ADAM22: variants seen among roughly 807,000 people sequenced by gnomAD.
The protein encoded by ADAM22 is ADAM metallopeptidase domain 22.
A neutral mutation model predicts 144.6 loss-of-function variants in ADAM22; 65 were observed. The observed-to-expected ratio is 0.45, with a 90% CI of 0.37 to 0.55. ADAM22 has a LOEUF of 0.55. Ranked by LOEUF, ADAM22 falls within the 20% of genes least tolerant of loss-of-function variation. The pLI, the probability that ADAM22 is intolerant of heterozygous loss-of-function variation, is 0.00. For synonymous variants in ADAM22, 391 were observed against 412.6 expected, an observed-to-expected ratio of 0.95 and a Z score of 0.63; for missense variants, 974 against 1,184.9, an observed-to-expected ratio of 0.82 and a Z score of 2.61.
Position 88,042,160 on chromosome 7 carries a change from C to T in ADAM22, c.324-33466C>T, listed in dbSNP as rs149657663. On this transcript the variant is annotated intron_variant, in intron 3 of 31. Coordinates refer to ENST00000413139, the MANE Select transcript of ADAM22 (RefSeq NM_001324418.2). Reference sequence around the variant, plus strand: ...GTTTATCTTCAGGGGAGGGCTTTCTCACTGTTTTCCATTGATTTTGAATAC... The same window carrying T: ...GTTTATCTTCAGGGGAGGGCTTTCTTACTGTTTTCCATTGATTTTGAATAC... 6.9e-4 allele frequency among the ~76,000 whole-genome samples: 105 copies of T among 152,134 alleles called. 1 individual carries two copies. The highest frequency in any genetic ancestry group is 2.5e-3 in the African/African-American group (102 of 41,552).
chr7:87,966,732 T>TG (rs1562874254), intron 2 of ADAM22, among the ~76,000 whole-genome samples: 16 of 130,300 alleles, frequency 1.2e-4, no homozygotes, highest in African/African-American at 4.3e-4. Flanking sequence ...TTTTTTTTTT[T>TG]TTTTTTTTTT....
rs372319678 is a variant in ADAM22, at chr7:88,192,433, A to G, written c.2751-683A>G. On this transcript the variant is annotated intron_variant, in intron 30 of 31. Transcript: ENST00000413139. Reference sequence around the variant, plus strand: ...ACCACTACACATGCAAAATCAATCAAGTACAGCATAATACAGCAGCAGCTT... The same window carrying G: ...ACCACTACACATGCAAAATCAATCAGGTACAGCATAATACAGCAGCAGCTT... Among the ~76,000 whole-genome samples, 25 of 152,362 alleles carry G rather than the reference A, an allele frequency of 1.6e-4. No individual in the cohort carries two copies. The East Asian group carries it at 4.6e-3, about 28-fold the overall frequency.
chr7:88,083,629 G>GTGTA (rs1817588848), intron 4 of ADAM22, among the ~76,000 whole-genome samples: 1 of 142,542 alleles, frequency 7.0e-6, no homozygotes, highest in Non-Finnish European at 1.5e-5. Flanking sequence ...GTGTGTGTGT[G>GTGTA]TGTGTATGTG....
Position 88,039,816 on chromosome 7 carries a change from C to T in ADAM22, c.324-35810C>T, listed in dbSNP as rs1484068984. ...CATACTAGTCTTCAAACTTAATGAC[C>T]GTTTTTGTCCTTGGATTCTCTGTAG... On this transcript the variant is annotated intron_variant, in intron 3 of 31. Transcript: ENST00000413139. Among the ~76,000 whole-genome samples the T allele has an allele frequency of 2.0e-5, 3 of 151,834 alleles. 1 individual carries two copies. The highest frequency in any genetic ancestry group is 4.4e-5 in the Non-Finnish European group (3 of 67,864).
chr7:88,097,156 T>C (rs73202374), intron 4 of ADAM22, among the ~76,000 whole-genome samples: 13,426 of 146,206 alleles, frequency 0.092, 1,100 homozygotes, highest in African/African-American at 0.22. Flanking sequence ...CTTTTCTTTT[T>C]TTTTTTTTTT....
At chr7:88,113,703 A>AATGTGTGTGTATATAT (rs1554478727) in intron 5 of ADAM22, among the ~76,000 whole-genome samples, 1 of 48,106 alleles carries the variant, frequency 2.1e-5, no homozygotes, top group African/African-American at 8.0e-5. Context: ...TAAATAAATA[A>AATGTGTGTGTATATAT]ATATATATAT....
chr7:88,196,836 A>G lies in ADAM22; in HGVS notation c.*345A>G. On this transcript the variant is annotated 3_prime_UTR_variant, in exon 32 of 32. Transcript: ENST00000413139. ...AAATGTAGCAAGTTTCCTAAGGTAC[A>G]ATAGTGGATTCAGAACTTGACGTTC... The G allele has an allele frequency of 3.5e-6, 1 of 288,228 alleles. No homozygotes were observed. The allele number at this position is 288,228 out of a possible 1,614,324, so 17.9% of individuals were successfully genotyped here.
At chr7:87,996,507 C>T (rs185266754) in intron 3 of ADAM22, among the ~76,000 whole-genome samples, 151 of 152,260 alleles carry the variant, frequency 9.9e-4, no homozygotes, top group African/African-American at 3.5e-3. Context: ...TCCCAAAGTC[C>T]CCAGCTCCTC....
intron 4 of ADAM22, among the ~76,000 whole-genome samples, chr7:88,107,946 A>T (rs1167671748): frequency 1.3e-5 from 2 of 152,180 alleles, no homozygotes; most frequent in African/African-American, 4.8e-5. Flanking sequence ...CCTACATAAA[A>T]GAAAGGTCAA....
chr7:88,154,831 T>C (rs1462625018), intron 21 of ADAM22, among the ~76,000 whole-genome samples: 1 of 152,168 alleles, frequency 6.6e-6, no homozygotes, highest in Non-Finnish European at 1.5e-5. Flanking sequence ...TTCTTTTCTA[T>C]GTTGGTGAAA....
chr7:87,940,283 T>G (rs1842229921), intron 2 of ADAM22, among the ~76,000 whole-genome samples: 1 of 151,998 alleles, frequency 6.6e-6, no homozygotes, highest in Admixed American at 6.6e-5. Context: ...AACATCACTA[T>G]GTACCCCATA....
At position 88,184,496 on chromosome 7, in the gene ADAM22, C is replaced by T. The variant is rs867774294; in HGVS notation, c.2664-2119C>T. 21 of 217,138 alleles carry T rather than the reference C, an allele frequency of 9.7e-5. No homozygotes were observed. The Middle Eastern group carries it at 2.5e-3, about 25-fold the overall frequency. 13.5% of individuals were successfully genotyped at this position (217,138 alleles called of 1,614,324 possible). ...AGAACAGGGTCATTTGATCTTTGAG[C>T]GAGCCCTCATGTTTGCCAGAGGTGC... On this transcript the variant is annotated intron_variant, in intron 29 of 31. Coordinates refer to ENST00000413139, the MANE Select transcript of ADAM22 (RefSeq NM_001324418.2).
intron 4 of ADAM22, among the ~76,000 whole-genome samples, chr7:88,080,578 C>G (rs1816231414): frequency 6.6e-6 from 1 of 151,506 alleles, no homozygotes; most frequent in Admixed American, 6.6e-5. Context: ...TTTAAAAGAT[C>G]AACAAAATTG....
intron 28 of ADAM22, 61 bp downstream of exon 28, chr7:88,181,666 C>A: frequency 7.0e-7 from 1 of 1,422,206 alleles, no homozygotes; most frequent in South Asian, 1.2e-5. Context: ...TCTGTGGCCC[C>A]TGGTTGTAAA....
chr7:87,990,863 C>T (rs1789663751), intron 3 of ADAM22, among the ~76,000 whole-genome samples: 1 of 152,120 alleles, frequency 6.6e-6, no homozygotes, highest in Non-Finnish European at 1.5e-5. Flanking sequence ...CGGAGTTTTG[C>T]CATGTTGTCA....
rs75533256 is a variant in ADAM22, at chr7:88,060,429, C to T, written c.324-15197C>T. Among the ~76,000 whole-genome samples the T allele has an allele frequency of 6.6e-5, 10 of 152,234 alleles. No individual in the cohort carries two copies. In the East Asian group the frequency reaches 1.7e-3, roughly 26 times the overall value. On this transcript the variant is annotated intron_variant, in intron 3 of 31. Coordinates refer to ENST00000413139, the MANE Select transcript of ADAM22 (RefSeq NM_001324418.2). Reference sequence around the variant, plus strand: ...TTATTTTAAATCTTTGTTGTTATTTCAACAGTGTTCACAACATTTTCACCA... The same window carrying T: ...TTATTTTAAATCTTTGTTGTTATTTTAACAGTGTTCACAACATTTTCACCA...
chr7:88,094,803 T>C (rs1012483427), intron 4 of ADAM22, among the ~76,000 whole-genome samples: 1 of 152,202 alleles, frequency 6.6e-6, no homozygotes, highest in Non-Finnish European at 1.5e-5. Flanking sequence ...TGAATTGTGT[T>C]AACAAATGGT....
At chr7:87,963,963 A>T (rs969046520) in intron 2 of ADAM22, among the ~76,000 whole-genome samples, 1 of 152,204 alleles carries the variant, frequency 6.6e-6, no homozygotes, top group African/African-American at 2.4e-5. Context: ...AACTAATTAG[A>T]TATCACCAAG....
intron 2 of ADAM22, among the ~76,000 whole-genome samples, chr7:87,952,460 A>T (rs547144181): frequency 6.6e-6 from 1 of 152,062 alleles, no homozygotes; most frequent in African/African-American, 2.4e-5. Context: ...ATTTGCATAT[A>T]TTGAACCAGC....
Sources: allele counts gnomAD v4.1 joint callset (sites outside exome capture counted in the v4.1 genomes callset), GRCh38; gene constraint gnomAD v4.1.1; transcripts MANE v1.5; gene names NCBI Gene and HGNC (gene_info 2026-07-23, HGNC 2026-07-21).